The following EEF1E1 variants were observed in gnomAD, a reference collection of about 807,000 sequenced individuals.
EEF1E1 encodes the protein eukaryotic translation elongation factor 1 epsilon-1.
EEF1E1 carries 19 observed loss-of-function variants against 19.9 expected under a neutral mutation model. The observed-to-expected ratio is 0.95, with a 90% CI of 0.66 to 1.40. The LOEUF (loss-of-function observed/expected upper bound fraction) is 1.40, where lower values mean the gene tolerates loss of function less well. Among genes scored for constraint, EEF1E1 ranks in the 40% most tolerant of loss-of-function variants. The pLI is 0.00. For synonymous variants in EEF1E1, 81 were observed against 80.0 expected (o/e 1.01, Z -0.07); for missense variants, 198 against 202.2 (o/e 0.98, Z 0.13).
chr6:8,076,995 T>C (rs996375400), downstream of EEF1E1, among the ~76,000 whole-genome samples: 2 of 54,000 alleles, frequency 3.7e-5, no homozygotes, highest in East Asian at 1.5e-3. Context: ...CAGGCTGGAG[T>C]GCAGTGGCAG....
At position 8,079,804 on chromosome 6, in the gene EEF1E1, TATTA is replaced by T; in HGVS notation, c.*82_*85del. 1 of 1,449,060 alleles carries T rather than the reference TATTA, an allele frequency of 6.9e-7. No individual in the cohort carries two copies. The highest frequency in any genetic ancestry group is 1.6e-5 in the South Asian group (1 of 61,670). The allele number at this position is 1,449,060 out of a possible 1,614,324, so 89.8% of individuals were successfully genotyped here. On this transcript the variant is annotated 3_prime_UTR_variant, in exon 4 of 4. Coordinates refer to ENST00000379715, the MANE Select transcript of EEF1E1 (RefSeq NM_004280.5). The stretch of plus-strand genomic sequence containing the variant: ...CTTCAACAAATAATGAATGACTGTA[TATTA>T]ATTTACATTAGTCCTGTGGTCTAGA...
chr6:8,090,029 C>T (rs919390473), intron 3 of EEF1E1, 157 bp downstream of exon 3: 10 of 443,626 alleles, frequency 2.3e-5, no homozygotes, highest in African/African-American at 1.0e-4. Context: ...ATGTGCACAA[C>T]GTGCAGGTTT....
downstream of EEF1E1, among the ~76,000 whole-genome samples, chr6:8,074,652 C>A (rs1382644311): frequency 3.3e-5 from 5 of 152,292 alleles, no homozygotes; most frequent in East Asian, 9.7e-4. Flanking sequence ...AAGTGCCTGA[C>A]AGAAATGACC....
At chr6:8,082,218 G>A (rs896292582) in intron 3 of EEF1E1, among the ~76,000 whole-genome samples, 112 of 152,104 alleles carry the variant, frequency 7.4e-4, no homozygotes, top group Non-Finnish European at 1.2e-3. Flanking sequence ...GTAAAAAATA[G>A]TTTTTATTCC....
chr6:8,101,903 G>C (rs1758377338), intron 1 of EEF1E1: 4 of 1,240,588 alleles, frequency 3.2e-6, no homozygotes, highest in Non-Finnish European at 4.2e-6. Context: ...GTGCAACGTG[G>C]CACTCTTCCA....
In EEF1E1 at chr6:8,102,503, A is replaced by G; in HGVS notation, c.19T>C (p.Leu7=). The part of the protein sequence containing the change: MAAAAE[L]SLLEKSLGLS... The stretch of plus-strand genomic sequence containing the variant: ...CCCAGGGACTTCTCCAGTAGCGACA[A>G]CTCTGCGGCCGCCGCCATCTTCCGG... The change falls in exon 1 of 4, where the codon TTG becomes CTG. Residue 7 remains leucine, a synonymous_variant. Transcript: ENST00000379715. 1 of 1,611,204 alleles carries G rather than the reference A, an allele frequency of 6.2e-7. No homozygotes were observed. Among genetic ancestry groups the G allele is most frequent in the Non-Finnish European group, 8.5e-7 (1 of 1,179,840 alleles).
At chr6:8,094,334 C>A (rs1180267816) in intron 2 of EEF1E1, among the ~76,000 whole-genome samples, 1 of 151,980 alleles carries the variant, frequency 6.6e-6, no homozygotes, top group African/African-American at 2.4e-5. Flanking sequence ...CGGTGGCTCA[C>A]TCCTGTAATC....
chr6:8,081,589 A>G (rs1757724873), intron 3 of EEF1E1, among the ~76,000 whole-genome samples: 1 of 152,196 alleles, frequency 6.6e-6, no homozygotes, highest in African/African-American at 2.4e-5. Flanking sequence ...ATTTTGTAAA[A>G]GAGCATTTTG....
At chr6:8,087,123 G>A (rs1757880227) in intron 3 of EEF1E1, among the ~76,000 whole-genome samples, 1 of 152,174 alleles carries the variant, frequency 6.6e-6, no homozygotes, top group Admixed American at 6.5e-5. Flanking sequence ...GAAGAGTAAT[G>A]CAAGGATGCT....
downstream of EEF1E1, among the ~76,000 whole-genome samples, chr6:8,077,004 A>T (rs58058975): frequency 0.78 from 115,954 of 148,426 alleles, 45,478 homozygotes; most frequent in East Asian, 0.92. Flanking sequence ...GTGCAGTGGC[A>T]GCGATCTCGG....
Position 8,097,375 on chromosome 6 carries a change from CA to C in EEF1E1, c.179del (p.Leu60CysfsTer16). ...CTTTTTCTTCTGCAGTACTCCCCAG[CA>C]AATATTCTTTGTTGGCTTGCTTGAC... is the stretch of plus-strand genomic sequence containing the variant. ...HLVKQANKEYLLGSTAEEKAI... is the reference protein window; with the variant it reads ...HLVKQANKEYXLGSTAEEKAI... On this transcript the variant is annotated frameshift_variant, in exon 2 of 4. Transcript: ENST00000379715. LOFTEE classifies it high-confidence loss of function. 1 of 1,614,138 alleles carries C rather than the reference CA, an allele frequency of 6.2e-7. No individual in the cohort carries two copies. The highest frequency in any genetic ancestry group is 8.5e-7 in the Non-Finnish European group (1 of 1,180,032).
At chr6:8,098,604 C>T (rs1164641179) in intron 1 of EEF1E1, among the ~76,000 whole-genome samples, 1 of 152,152 alleles carries the variant, frequency 6.6e-6, no homozygotes, top group East Asian at 1.9e-4. Flanking sequence ...ATTCATAGCT[C>T]CTTGACTTCT....
At chr6:8,089,372 T>C (rs1432184462) in intron 3 of EEF1E1, among the ~76,000 whole-genome samples, 2 of 152,042 alleles carry the variant, frequency 1.3e-5, no homozygotes, top group African/African-American at 4.8e-5. Context: ...GTTTATTAAG[T>C]ATTAACTCAC....
intron 1 of EEF1E1, chr6:8,101,954 A>T: frequency 8.0e-7 from 1 of 1,252,514 alleles, no homozygotes; most frequent in Non-Finnish European, 1.0e-6. Flanking sequence ...GCCAAAAAGC[A>T]AGCTGCCTGA....
At chr6:8,074,082 C>A (rs1054075617) in intron 3 of EEF1E1, among the ~76,000 whole-genome samples, 4 of 152,286 alleles carry the variant, frequency 2.6e-5, no homozygotes, top group African/African-American at 9.6e-5. Context: ...CCCCCTCTTG[C>A]TGTTTCTTTG....
At chr6:8,098,793 A>T (rs182557981) in intron 1 of EEF1E1, among the ~76,000 whole-genome samples, 14 of 152,298 alleles carry the variant, frequency 9.2e-5, no homozygotes, top group African/African-American at 1.4e-4. Flanking sequence ...TACTGAATGT[A>T]TGGTATATTT....
chr6:8,090,730 C>G (rs1003875792), intron 2 of EEF1E1, among the ~76,000 whole-genome samples: 1 of 152,182 alleles, frequency 6.6e-6, no homozygotes, highest in Non-Finnish European at 1.5e-5. Context: ...CTGGCAACCA[C>G]GATTCTACCT....
At chr6:8,101,095 G>A (rs184296416) in intron 1 of EEF1E1, among the ~76,000 whole-genome samples, 2,043 of 148,650 alleles carry the variant, frequency 0.014, 36 homozygotes, top group African/African-American at 0.046. Flanking sequence ...GCGTGGTGGC[G>A]AACACCTGTA....
At chr6:8,100,304 T>A (rs1159522453) in intron 1 of EEF1E1, among the ~76,000 whole-genome samples, 2 of 152,228 alleles carry the variant, frequency 1.3e-5, no homozygotes, top group African/African-American at 4.8e-5. Flanking sequence ...GCATAATCCC[T>A]TAAATGCCAG....
Sources: gnomAD v4.1 joint callset for allele counts (sites outside exome capture counted in the v4.1 genomes callset) on GRCh38, gnomAD v4.1.1 for gene constraint, MANE v1.5 for transcripts, NCBI Gene and HGNC (gene_info 2026-07-23, HGNC 2026-07-21) for gene names.